The following PDE1C variants were observed in gnomAD, a reference collection of about 807,000 sequenced individuals.
PDE1C encodes the protein phosphodiesterase 1C.
Under a neutral mutation model 93.1 loss-of-function variants are expected in PDE1C, and 62 were observed. The observed-to-expected ratio is 0.67, with a 90% confidence interval of 0.54 to 0.82. PDE1C has a LOEUF of 0.82. PDE1C is among the 40% of genes least tolerant of loss of function. PDE1C has a pLI of 0.00. For missense variants in PDE1C, 742 were observed against 884.6 expected, an observed-to-expected ratio of 0.84 and a Z score of 2.04; for synonymous variants, 325 against 310.1, an observed-to-expected ratio of 1.05 and a Z score of -0.50.
upstream of PDE1C, chr7:32,070,665 G>GGGATAA (rs1795945743): frequency 7.5e-7 from 1 of 1,339,598 alleles, no homozygotes; most frequent in Admixed American, 3.3e-5. Flanking sequence ...GATAGGGATA[G>GGGATAA]AGATAGGGAT....
At chr7:31,847,037 T>A (rs1792723455) in intron 9 of PDE1C, among the ~76,000 whole-genome samples, 1 of 152,164 alleles carries the variant, frequency 6.6e-6, no homozygotes, top group South Asian at 2.1e-4. Flanking sequence ...ATATGAGGAC[T>A]ATTTGAGTCA....
intron 7 of PDE1C, among the ~76,000 whole-genome samples, chr7:31,853,079 T>A (rs910395996): frequency 1.3e-5 from 2 of 152,056 alleles, no homozygotes; most frequent in Non-Finnish European, 2.9e-5. Flanking sequence ...AGCATCTAAA[T>A]AACAGTATAA....
intron 7 of PDE1C, among the ~76,000 whole-genome samples, chr7:31,857,290 C>T (rs1322251975): frequency 2.0e-5 from 3 of 152,046 alleles, no homozygotes; most frequent in African/African-American, 4.8e-5. Flanking sequence ...CCCAACTGCC[C>T]TTTTTTTCCT....
chr7:32,070,308 A>C lies in PDE1C; in HGVS notation c.86T>G (p.Leu29Arg). 1 of 1,614,240 alleles carries C rather than the reference A, an allele frequency of 6.2e-7. No individual in the cohort carries two copies. The highest frequency in any genetic ancestry group is 8.5e-7 in the Non-Finnish European group (1 of 1,180,046). Reference sequence around the variant, plus strand: ...GTATACTTACAGCCCGCGGAGCCGAAGCCAGATTTTCTCGATCTGTTCCGG... The same window carrying C: ...GTATACTTACAGCCCGCGGAGCCGACGCCAGATTTTCTCGATCTGTTCCGG... ...LQPEQIEKIW[L>R]RLRGLRKYKK... is the part of the protein sequence containing the mutation. Residue 29 changes from leucine to arginine, a missense_variant, in exon 1 of 18, where the codon CTT (leucine) becomes CGT (arginine). Transcript: ENST00000396191.
At chr7:31,917,177 T>G (rs1261629651) in intron 2 of PDE1C, among the ~76,000 whole-genome samples, 2 of 152,080 alleles carry the variant, frequency 1.3e-5, no homozygotes, top group African/African-American at 4.8e-5. Context: ...ATCCCAAATA[T>G]CACCACAAGA....
the PDE1C span, among the ~76,000 whole-genome samples, chr7:31,618,557 T>C: frequency 1.8e-4 from 27 of 152,234 alleles, no homozygotes; most frequent in African/African-American, 5.8e-4. Context: ...GTAGAGATGA[T>C]GTTAGGAAAG....
the PDE1C span, among the ~76,000 whole-genome samples, chr7:31,675,828 T>C: frequency 1.3e-5 from 2 of 152,158 alleles, no homozygotes; most frequent in South Asian, 4.1e-4. Context: ...TAGCCACTTG[T>C]AAAAGAGAAA....
At chr7:32,354,246 G>A (rs1783989236) in intron 1 of PDE1C, among the ~76,000 whole-genome samples, 1 of 152,080 alleles carries the variant, frequency 6.6e-6, no homozygotes, top group East Asian at 1.9e-4. Flanking sequence ...TGATAAATGT[G>A]GAGAAACCTC....
intron 1 of PDE1C, among the ~76,000 whole-genome samples, chr7:32,422,138 C>T (rs1272215710): frequency 2.3e-4 from 35 of 152,134 alleles, no homozygotes; most frequent in Admixed American, 2.0e-3. Flanking sequence ...AGTGCATTCT[C>T]ATCGGTATTG....
At chr7:31,916,659 C>G (rs1215791707) in intron 2 of PDE1C, among the ~76,000 whole-genome samples, 2 of 152,196 alleles carry the variant, frequency 1.3e-5, no homozygotes, top group Non-Finnish European at 2.9e-5. Context: ...AACCCTGCAC[C>G]AGGTCCTGCT....
At chr7:31,892,155 C>A (rs1484738205) in intron 2 of PDE1C, among the ~76,000 whole-genome samples, 1 of 152,184 alleles carries the variant, frequency 6.6e-6, no homozygotes, top group African/African-American at 2.4e-5. Flanking sequence ...AAATAGTGGT[C>A]TACTTAGTGT....
chr7:32,371,876 G>C (rs1784341758), intron 1 of PDE1C, among the ~76,000 whole-genome samples: 1 of 152,064 alleles, frequency 6.6e-6, no homozygotes, highest in Middle Eastern at 3.2e-3. Context: ...ATTCAGAATA[G>C]CCAAAACAAT....
At chr7:31,961,627 G>A (rs535614817) in intron 2 of PDE1C, among the ~76,000 whole-genome samples, 2 of 152,196 alleles carry the variant, frequency 1.3e-5, no homozygotes, top group East Asian at 1.9e-4. Flanking sequence ...CCAGTTGCCT[G>A]TCTATAGTTC....
intron 2 of PDE1C, among the ~76,000 whole-genome samples, chr7:31,914,845 G>A (rs779682990): frequency 6.6e-6 from 1 of 152,020 alleles, no homozygotes; most frequent in Non-Finnish European, 1.5e-5. Context: ...AATTATGAAG[G>A]GCATCATTAC....
intron 2 of PDE1C, among the ~76,000 whole-genome samples, chr7:32,013,683 T>C (rs1787472879): frequency 6.6e-6 from 1 of 152,234 alleles, no homozygotes; most frequent in Non-Finnish European, 1.5e-5. Flanking sequence ...TGGACTGGTA[T>C]AAGCACGCCA....
intron 9 of PDE1C, among the ~76,000 whole-genome samples, chr7:31,845,442 A>C (rs1792439099): frequency 6.6e-6 from 1 of 152,102 alleles, no homozygotes; most frequent in African/African-American, 2.4e-5. Context: ...TTATACTCAA[A>C]ATACAAACTC....
intron 3 of PDE1C, among the ~76,000 whole-genome samples, chr7:32,149,021 C>A (rs560155159): frequency 6.6e-6 from 1 of 152,222 alleles, no homozygotes; most frequent in East Asian, 1.9e-4. Context: ...AATGGCAAAA[C>A]CAGATGTTGA....
At chr7:32,394,498 G>A (rs1784806260) in intron 1 of PDE1C, among the ~76,000 whole-genome samples, 1 of 152,218 alleles carries the variant, frequency 6.6e-6, no homozygotes, top group Non-Finnish European at 1.5e-5. Flanking sequence ...CTTAGTTCCT[G>A]TGAGACCTGG....
the PDE1C span, among the ~76,000 whole-genome samples, chr7:31,626,952 T>A: frequency 3.3e-5 from 5 of 152,234 alleles, no homozygotes; most frequent in Non-Finnish European, 7.3e-5. Context: ...GTCACCCAGC[T>A]TGAAGATTAT....
Sources: gnomAD v4.1 joint callset for allele counts (sites outside exome capture counted in the v4.1 genomes callset) on GRCh38, gnomAD v4.1.1 for gene constraint, MANE v1.5 for transcripts, NCBI Gene and HGNC (gene_info 2026-07-23, HGNC 2026-07-21) for gene names.